CIMIP6: variants seen among roughly 807,000 people sequenced by gnomAD.
CIMIP6 encodes the protein ciliary microtubule inner protein 6, also known as uncharacterized protein C2orf73.
the CIMIP6 span, among the ~76,000 whole-genome samples, chr2:54,375,011 T>TAAA: frequency 1.3e-5 from 2 of 152,216 alleles, no homozygotes; most frequent in Non-Finnish European, 2.9e-5. Context: ...CTGGGTACCT[T>TAAA]TTTATGACAT....
At chr2:54,381,887 C>A in the CIMIP6 span, 1 of 1,550,364 alleles carries the variant, frequency 6.5e-7, no homozygotes. Context: ...AACAGTGGTC[C>A]TGTGCCACAG....
At chr2:54,375,577 G>A in the CIMIP6 span, among the ~76,000 whole-genome samples, 1 of 152,172 alleles carries the variant, frequency 6.6e-6, no homozygotes, top group Non-Finnish European at 1.5e-5. Context: ...ACGTGTATAT[G>A]TTTTTACTTT....
At chr2:54,375,885 G>GTGTGTGT in the CIMIP6 span, among the ~76,000 whole-genome samples, 39,071 of 150,086 alleles carry the variant, frequency 0.26, 5,492 homozygotes, top group East Asian at 0.49. Context: ...TCATATAGGG[G>GTGTGTGT]GTGTGTGTGT....
At chr2:54,372,763 C>T in the CIMIP6 span, among the ~76,000 whole-genome samples, 1 of 152,102 alleles carries the variant, frequency 6.6e-6, no homozygotes, top group Non-Finnish European at 1.5e-5. Flanking sequence ...AGCTAAGGCC[C>T]CAGATTAAGG....
the CIMIP6 span, among the ~76,000 whole-genome samples, chr2:54,363,662 G>A: frequency 6.6e-6 from 1 of 151,052 alleles, no homozygotes; most frequent in African/African-American, 2.4e-5. Flanking sequence ...TTTTTTTTCT[G>A]ATCATAAGTT....
chr2:54,334,954 T>C, the CIMIP6 span: 6 of 1,602,954 alleles, frequency 3.7e-6, no homozygotes, highest in African/African-American at 6.7e-5. Flanking sequence ...GCTAAATTCA[T>C]TAACACAAAT....
chr2:54,352,972 C>T, the CIMIP6 span, among the ~76,000 whole-genome samples: 1 of 152,120 alleles, frequency 6.6e-6, no homozygotes, highest in African/African-American at 2.4e-5. Context: ...ACTGAAATTT[C>T]GACTCCTCTG....
chr2:54,342,203 G>A, the CIMIP6 span, among the ~76,000 whole-genome samples: 1 of 152,118 alleles, frequency 6.6e-6, no homozygotes, highest in South Asian at 2.1e-4. Context: ...CAGCTCTTCA[G>A]GGCTTAGTTC....
At chr2:54,375,768 T>A in the CIMIP6 span, among the ~76,000 whole-genome samples, 1 of 152,200 alleles carries the variant, frequency 6.6e-6, no homozygotes, top group Non-Finnish European at 1.5e-5. Flanking sequence ...CTACTGTGCA[T>A]TTGAGCATGG....
the CIMIP6 span, among the ~76,000 whole-genome samples, chr2:54,333,126 T>G: frequency 6.6e-6 from 1 of 152,196 alleles, no homozygotes; most frequent in Non-Finnish European, 1.5e-5. Flanking sequence ...TTCCTGATGT[T>G]GGGCACATGG....
At chr2:54,380,746 T>C in the CIMIP6 span, among the ~76,000 whole-genome samples, 6 of 152,178 alleles carry the variant, frequency 3.9e-5, no homozygotes, top group Non-Finnish European at 8.8e-5. Flanking sequence ...CGCACACACA[T>C]GCCCACACAG....
the CIMIP6 span, chr2:54,358,945 A>T: frequency 7.1e-7 from 1 of 1,405,748 alleles, no homozygotes; most frequent in Non-Finnish European, 9.7e-7. Context: ...GACTTCACAA[A>T]ATCTTTTTTT....
At chr2:54,339,000 C>A in the CIMIP6 span, among the ~76,000 whole-genome samples, 1 of 69,852 alleles carries the variant, frequency 1.4e-5, no homozygotes, top group Non-Finnish European at 3.6e-5. Context: ...ACTAAAAATA[C>A]AAAAAATTAG....
At chr2:54,337,418 A>C in the CIMIP6 span, among the ~76,000 whole-genome samples, 1 of 151,594 alleles carries the variant, frequency 6.6e-6, no homozygotes, top group African/African-American at 2.4e-5. Context: ...ATCAATTGTT[A>C]TTGTTAGACC....
At chr2:54,346,876 A>G in the CIMIP6 span, among the ~76,000 whole-genome samples, 1 of 152,210 alleles carries the variant, frequency 6.6e-6, no homozygotes, top group Non-Finnish European at 1.5e-5. Context: ...CTCAACGTTC[A>G]TAGAATAAAT....
chr2:54,344,939 A>G, the CIMIP6 span, among the ~76,000 whole-genome samples: 2 of 152,200 alleles, frequency 1.3e-5, no homozygotes, highest in African/African-American at 4.8e-5. Flanking sequence ...TTAGCAAAAC[A>G]TAACATTTAT....
chr2:54,341,430 C>G, the CIMIP6 span, among the ~76,000 whole-genome samples: 1 of 152,154 alleles, frequency 6.6e-6, no homozygotes, highest in East Asian at 1.9e-4. Flanking sequence ...TTGGACTTCC[C>G]AGCCTACAGA....
the CIMIP6 span, among the ~76,000 whole-genome samples, chr2:54,368,130 T>G: frequency 6.6e-6 from 1 of 152,212 alleles, no homozygotes; most frequent in Non-Finnish European, 1.5e-5. Flanking sequence ...AGAAATTGAA[T>G]TTCCACATTT....
chr2:54,369,207 G>T, the CIMIP6 span, among the ~76,000 whole-genome samples: 374 of 152,188 alleles, frequency 2.5e-3, 1 homozygote, highest in Non-Finnish European at 3.7e-3. Flanking sequence ...TGTGTGTGGG[G>T]GTGTGTGTGT....
Sources: gnomAD v4.1 joint callset for allele counts (sites outside exome capture counted in the v4.1 genomes callset) on GRCh38, gnomAD v4.1.1 for gene constraint, MANE v1.5 for transcripts, NCBI Gene and HGNC (gene_info 2026-07-23, HGNC 2026-07-21) for gene names.